Variants in TAFA1 observed in about 807,000 individuals in gnomAD.
TAFA1 encodes the protein chemokine-like protein TAFA-1.
In TAFA1, 4 loss-of-function variants were observed where a neutral mutation model predicts 18.5. That is an observed-to-expected ratio of 0.22 (90% confidence interval 0.11 to 0.49). TAFA1 has a LOEUF of 0.49. Ranked by LOEUF, TAFA1 falls within the 20% of genes least tolerant of loss-of-function variation. The probability of loss-of-function intolerance (pLI) is 0.98; values close to 1 mark genes in which losing one functional copy is unlikely to be tolerated. For synonymous variants in TAFA1, 56 were observed against 55.2 expected (o/e 1.01, Z -0.06); for missense variants, 147 against 169.0 (o/e 0.87, Z 0.72).
chr3:68,136,612 T>A (rs901769109), intron 2 of TAFA1, among the ~76,000 whole-genome samples: 6 of 152,172 alleles, frequency 3.9e-5, no homozygotes, highest in African/African-American at 1.4e-4. Context: ...GCTTCTCTCT[T>A]TTTAAAATGA....
chr3:68,250,941 A>G (rs1559577934), intron 2 of TAFA1: 1 of 152,174 alleles, frequency 6.6e-6, no homozygotes, highest in East Asian at 1.9e-4. Flanking sequence ...TAAAATAACT[A>G]CAATACATAT....
intron 2 of TAFA1, among the ~76,000 whole-genome samples, chr3:68,250,310 A>T (rs750005560): frequency 2.0e-5 from 3 of 152,202 alleles, no homozygotes; most frequent in Non-Finnish European, 4.4e-5. Flanking sequence ...ATTTGGAGAC[A>T]GTCTCAGAAC....
At chr3:68,085,587 A>G (rs2064961201) in intron 2 of TAFA1, among the ~76,000 whole-genome samples, 1 of 152,190 alleles carries the variant, frequency 6.6e-6, no homozygotes, top group Admixed American at 6.5e-5. Context: ...ATCACTCCTG[A>G]TCTTCATAAG....
At chr3:68,055,110 G>T (rs1429501308) in intron 2 of TAFA1, among the ~76,000 whole-genome samples, 1 of 152,028 alleles carries the variant, frequency 6.6e-6, no homozygotes, top group African/African-American at 2.4e-5. Context: ...AAAGGAAAGG[G>T]AAGGCAGTCA....
chr3:67,993,000 T>A, the TAFA1 span, among the ~76,000 whole-genome samples: 1 of 152,234 alleles, frequency 6.6e-6, no homozygotes, highest in African/African-American at 2.4e-5. Flanking sequence ...GATCAGAGAA[T>A]GGTCTGTGAT....
chr3:68,537,030 G>A (rs1292581576), intron 3 of TAFA1, among the ~76,000 whole-genome samples: 1 of 152,078 alleles, frequency 6.6e-6, no homozygotes, highest in Non-Finnish European at 1.5e-5. Flanking sequence ...CCCTAGGCTA[G>A]GCGATAAACC....
At chr3:68,203,304 T>G (rs535805708) in intron 2 of TAFA1, among the ~76,000 whole-genome samples, 1 of 151,848 alleles carries the variant, frequency 6.6e-6, no homozygotes, top group East Asian at 2.0e-4. Context: ...TTCTGCTTGG[T>G]GTTTTCTGAC....
At chr3:68,441,631 C>T (rs1009079313) in intron 3 of TAFA1, among the ~76,000 whole-genome samples, 1 of 152,062 alleles carries the variant, frequency 6.6e-6, no homozygotes, top group Non-Finnish European at 1.5e-5. Flanking sequence ...TGATCGGGCT[C>T]GAGAAGGTCC....
the TAFA1 span, among the ~76,000 whole-genome samples, chr3:67,996,271 T>C: frequency 1.3e-5 from 2 of 152,062 alleles, no homozygotes; most frequent in African/African-American, 4.8e-5. Context: ...TGGAATAATA[T>C]TAGGTTGGAA....
chr3:68,226,956 AG>A (rs2066808446), intron 2 of TAFA1, among the ~76,000 whole-genome samples: 1 of 152,170 alleles, frequency 6.6e-6, no homozygotes, highest in African/African-American at 2.4e-5. Context: ...AGAGGAGTAA[AG>A]GGTACGTAGC....
chr3:68,328,667 A>G (rs1184690032), intron 2 of TAFA1, among the ~76,000 whole-genome samples: 1 of 152,134 alleles, frequency 6.6e-6, no homozygotes, highest in African/African-American at 2.4e-5. Flanking sequence ...TTATTTTGGA[A>G]TTCTCTTTGC....
chr3:68,090,251 T>A (rs952849393), intron 2 of TAFA1, among the ~76,000 whole-genome samples: 3 of 152,162 alleles, frequency 2.0e-5, no homozygotes, highest in African/African-American at 7.2e-5. Context: ...AATCAAACAT[T>A]TATTCTGAGA....
intron 2 of TAFA1, among the ~76,000 whole-genome samples, chr3:68,348,584 A>G (rs1491750): frequency 1 from 151,906 of 152,266 alleles, 75,775 homozygotes; most frequent in Middle Eastern, 1. Context: ...GGAACATTTA[A>G]GCTGTAAGAT....
At chr3:68,409,963 A>T (rs9822547) in intron 2 of TAFA1, among the ~76,000 whole-genome samples, 1 of 151,876 alleles carries the variant, frequency 6.6e-6, no homozygotes, top group Non-Finnish European at 1.5e-5. Flanking sequence ...TAAAAGAAAC[A>T]TTATCCTTCG....
chr3:68,516,150 G>T (rs1575942083), intron 3 of TAFA1, among the ~76,000 whole-genome samples: 1 of 152,278 alleles, frequency 6.6e-6, no homozygotes, highest in East Asian at 1.9e-4. Context: ...CAAGGTCACT[G>T]GTCCTTTAAG....
chr3:68,471,773 A>T lies in TAFA1; in HGVS notation c.259+54353A>T, dbSNP rs935015764. On this transcript the variant is annotated intron_variant, in intron 3 of 4. Coordinates refer to ENST00000478136, the MANE Select transcript of TAFA1 (RefSeq NM_213609.4). The stretch of plus-strand genomic sequence containing the variant: ...CCTCACAGACACACCAAGGAACAAT[A>T]CTTTGCATCCTTCAATCCTATCAAG... Among the ~76,000 whole-genome samples, 16 of 152,160 alleles carry T rather than the reference A, an allele frequency of 1.1e-4. 1 individual carries two copies. Among genetic ancestry groups the T allele is most frequent in the East Asian group, 5.8e-4 (3 of 5,176 alleles).
chr3:68,431,939 G>A (rs910195160), intron 3 of TAFA1, among the ~76,000 whole-genome samples: 1 of 151,924 alleles, frequency 6.6e-6, no homozygotes, highest in African/African-American at 2.4e-5. Context: ...TAAGCGTGAG[G>A]AACATGACTG....
chr3:68,207,986 C>T (rs1383726195), intron 2 of TAFA1, among the ~76,000 whole-genome samples: 2 of 151,896 alleles, frequency 1.3e-5, no homozygotes, highest in Non-Finnish European at 2.9e-5. Flanking sequence ...TAACAATAGA[C>T]TCAGAGACTT....
At chr3:68,495,497 C>T (rs563463256) in intron 3 of TAFA1, among the ~76,000 whole-genome samples, 2 of 152,228 alleles carry the variant, frequency 1.3e-5, no homozygotes, top group African/African-American at 4.8e-5. Flanking sequence ...CTTGGGACCT[C>T]AATATATGAA....
Sources: allele counts gnomAD v4.1 joint callset (sites outside exome capture counted in the v4.1 genomes callset), GRCh38; gene constraint gnomAD v4.1.1; transcripts MANE v1.5; gene names NCBI Gene and HGNC (gene_info 2026-07-23, HGNC 2026-07-21).